ZNF334: variants seen among roughly 807,000 people sequenced by gnomAD.
The protein encoded by ZNF334 is zinc finger protein 334.
In ZNF334, 14 loss-of-function variants were observed where a neutral mutation model predicts 12.4. The observed-to-expected ratio is 1.13, with a 90% CI of 0.74 to 1.76. The LOEUF (loss-of-function observed/expected upper bound fraction) is 1.76. ZNF334 is among the 40% of genes most tolerant of loss of function. The probability of loss-of-function intolerance (pLI) is 0.00; values close to 1 mark genes in which losing one functional copy is unlikely to be tolerated. For synonymous variants in ZNF334, 273 were observed against 269.6 expected, an observed-to-expected ratio of 1.01 and a Z score of -0.12; for missense variants, 797 against 804.5, an observed-to-expected ratio of 0.99 and a Z score of 0.11.
At chr20:46,508,294 A>G (rs993035492) in intron 2 of ZNF334, among the ~76,000 whole-genome samples, 4 of 152,244 alleles carry the variant, frequency 2.6e-5, no homozygotes, top group Non-Finnish European at 5.9e-5. Flanking sequence ...TACTGAGGAC[A>G]TGTGCCTACA....
the ZNF334 span, among the ~76,000 whole-genome samples, chr20:46,466,042 G>C: frequency 2.0e-5 from 3 of 152,104 alleles, no homozygotes; most frequent in Non-Finnish European, 4.4e-5. Flanking sequence ...TGATGGGAGA[G>C]AGGAAGATTA....
the ZNF334 span, chr20:46,463,651 A>C: frequency 4.7e-6 from 1 of 213,962 alleles, no homozygotes; most frequent in African/African-American, 2.2e-5. Flanking sequence ...TCTGACTGTT[A>C]AATTCATGTT....
At chr20:46,507,436 G>A (rs2061476560) in intron 2 of ZNF334, among the ~76,000 whole-genome samples, 1 of 152,088 alleles carries the variant, frequency 6.6e-6, no homozygotes, top group African/African-American at 2.4e-5. Context: ...AGGATATTAT[G>A]GAAAATAATA....
At chr20:46,504,366 A>G in intron 3 of ZNF334, 60 bp from the exon 4 acceptor site, 1 of 1,457,106 alleles carries the variant, frequency 6.9e-7, no homozygotes, top group South Asian at 1.2e-5. Context: ...GACTCTGAAG[A>G]ATGAAGAAAG....
At chr20:46,471,316 C>T in the ZNF334 span, among the ~76,000 whole-genome samples, 1 of 152,120 alleles carries the variant, frequency 6.6e-6, no homozygotes, top group South Asian at 2.1e-4. Context: ...GGGTTGTCTG[C>T]TATCAATTCA....
chr20:46,502,523 T>C lies in ZNF334; in HGVS notation c.816A>G (p.Lys272=). The C allele has an allele frequency of 6.2e-7, 1 of 1,613,448 alleles. No individual in the cohort carries two copies. Residue 272 remains lysine (K), a synonymous_variant, in exon 5 of 5, where the codon AAA becomes AAG. Coordinates refer to ENST00000692313, the MANE Select transcript of ZNF334 (RefSeq NM_001353824.2). The part of the protein sequence containing the change: ...EKPYVCSDCR[K]TFRVKTSLTR... The stretch of plus-strand genomic sequence containing the variant: ...TGAGGCTTGTCTTCACACGAAAAGT[T>C]TTCCTACAATCACTACAAACATACG...
At chr20:46,498,690 A>T (rs1260535947), downstream of ZNF334, among the ~76,000 whole-genome samples, 1 of 152,256 alleles carries the variant, frequency 6.6e-6, no homozygotes, top group Non-Finnish European at 1.5e-5. Context: ...TATGGGGTTG[A>T]ATTGTCTCCC....
downstream of ZNF334, among the ~76,000 whole-genome samples, chr20:46,495,042 G>A (rs1242699472): frequency 1.3e-5 from 2 of 152,008 alleles, no homozygotes; most frequent in East Asian, 3.9e-4. Flanking sequence ...TTTCATTGGG[G>A]TTTTAATATT....
chr20:46,493,593 G>A, the ZNF334 span, among the ~76,000 whole-genome samples: 2 of 152,170 alleles, frequency 1.3e-5, no homozygotes, highest in African/African-American at 4.8e-5. Context: ...AGACCAGCCT[G>A]GCCAACATGG....
chr20:46,492,833 G>A, the ZNF334 span: 1 of 152,130 alleles, frequency 6.6e-6, no homozygotes, highest in Non-Finnish European at 1.5e-5. Context: ...TTATTGCACT[G>A]ACTTGAATCT....
the ZNF334 span, chr20:46,464,049 G>T: frequency 1.4e-3 from 904 of 633,760 alleles, 13 homozygotes; most frequent in South Asian, 0.012. Context: ...TGTCAAAGGG[G>T]TCATTGTTCT....
chr20:46,483,377 C>G, the ZNF334 span, among the ~76,000 whole-genome samples: 54 of 151,678 alleles, frequency 3.6e-4, 1 homozygote, highest in Admixed American at 3.4e-3. Context: ...TTCTGTGTCC[C>G]TTTTATTTTT....
rs2061144117 is a variant in ZNF334, at chr20:46,501,183, T to G, written c.*113A>C. On this transcript the variant is annotated 3_prime_UTR_variant, in exon 5 of 5. Transcript: ENST00000692313. ...GAGGGTTGACTTATGGCAGAAAAATTTTCCATATTCATTACATTTATAAGA... is the reference window on the plus strand; with the variant it reads ...GAGGGTTGACTTATGGCAGAAAAATGTTCCATATTCATTACATTTATAAGA... 2.9e-6 allele frequency: 4 copies of G among 1,400,790 alleles called. No individual in the cohort carries two copies. The African/African-American group carries it at 5.7e-5, about 20-fold the overall frequency. The allele number at this position is 1,400,790 out of a possible 1,614,324, so 86.8% of individuals were successfully genotyped here. A position where few individuals can be genotyped will look rare whatever the true frequency, so the allele number is the denominator to read the frequency against.
At chr20:46,486,224 T>C in the ZNF334 span, among the ~76,000 whole-genome samples, 1 of 152,350 alleles carries the variant, frequency 6.6e-6, no homozygotes, top group African/African-American at 2.4e-5. Flanking sequence ...TATGTCATTA[T>C]GTGCTAGACA....
chr20:46,470,148 A>C, the ZNF334 span, among the ~76,000 whole-genome samples: 5 of 152,236 alleles, frequency 3.3e-5, no homozygotes, highest in Non-Finnish European at 7.3e-5. Flanking sequence ...GAAAGAAACT[A>C]GGGCCAAAGA....
intron 4 of ZNF334, 107 bp from the exon 5 acceptor site, chr20:46,503,204 A>G: frequency 7.8e-7 from 1 of 1,277,164 alleles, no homozygotes; most frequent in South Asian, 2.1e-5. Flanking sequence ...CTTCAGGCCA[A>G]GCCTTCCAAG....
chr20:46,478,687 G>A, the ZNF334 span, among the ~76,000 whole-genome samples: 1 of 152,334 alleles, frequency 6.6e-6, no homozygotes, highest in East Asian at 1.9e-4. Flanking sequence ...GTCCATTGCA[G>A]TGGTTGGAGG....
the ZNF334 span, among the ~76,000 whole-genome samples, chr20:46,471,912 G>A: frequency 6.6e-6 from 1 of 152,122 alleles, no homozygotes; most frequent in African/African-American, 2.4e-5. Context: ...TTGGCCATTT[G>A]CATTTCTAGG....
chr20:46,468,293 T>C, the ZNF334 span, among the ~76,000 whole-genome samples: 1 of 151,840 alleles, frequency 6.6e-6, no homozygotes, highest in East Asian at 1.9e-4. Flanking sequence ...TTTTTTTTTT[T>C]GAGACGGAGT....
Sources: gnomAD v4.1 joint callset for allele counts (sites outside exome capture counted in the v4.1 genomes callset) on GRCh38, gnomAD v4.1.1 for gene constraint, MANE v1.5 for transcripts, NCBI Gene and HGNC (gene_info 2026-07-23, HGNC 2026-07-21) for gene names.